The following HTT variants were observed in gnomAD, a reference collection of about 807,000 sequenced individuals.
The protein encoded by HTT is huntington disease protein.
HTT carries 104 observed loss-of-function variants against 362.3 expected under a neutral mutation model. The ratio of observed to expected loss-of-function variants is 0.29; its 90% CI spans 0.24 to 0.34. The LOEUF is 0.34. Ranked by LOEUF, HTT falls within the 10% of genes least tolerant of loss-of-function variation. The pLI is 1.00. For missense variants in HTT, 3,301 were observed against 3,928.6 expected (o/e 0.84, Z 4.27); for synonymous variants, 1,577 against 1,548.7 (o/e 1.02, Z -0.43).
At chr4:3,230,205 A>C (rs1352818734) in intron 60 of HTT, among the ~76,000 whole-genome samples, 163 bp downstream of exon 60, 1 of 152,022 alleles carries the variant, frequency 6.6e-6, no homozygotes, top group Non-Finnish European at 1.5e-5. Context: ...TCTCAGATGG[A>C]GGGGGTTCAG....
intron 26 of HTT, among the ~76,000 whole-genome samples, chr4:3,149,454 C>T (rs538554050): frequency 6.6e-6 from 1 of 152,118 alleles, no homozygotes; most frequent in South Asian, 2.1e-4. Context: ...TACAGGCATG[C>T]ACCACCACAC....
chr4:3,186,730 C>G lies in HTT; in HGVS notation c.4989+11C>G, dbSNP rs148659037. The stretch of plus-strand genomic sequence containing the variant: ...ACTCCAAACACAATGGTGAGTCTCT[C>G]GCCTGGCTCAGCAGATGAATCTGGA... On this transcript the variant is annotated intron_variant, in intron 38 of 66. Transcript: ENST00000355072. 1 of 1,611,536 alleles carries G rather than the reference C, an allele frequency of 6.2e-7. No homozygotes were observed. Among genetic ancestry groups the G allele is most frequent in the African/African-American group, 1.3e-5 (1 of 74,750 alleles).
intron 34 of HTT, among the ~76,000 whole-genome samples, 188 bp downstream of exon 34, chr4:3,177,575 A>C (rs1353905413): frequency 1.3e-5 from 2 of 152,142 alleles, no homozygotes; most frequent in Non-Finnish European, 2.9e-5. Flanking sequence ...ACTTGTTTGG[A>C]AGTAGTTATG....
At chr4:3,158,214 C>T (rs1045649578) in intron 28 of HTT, among the ~76,000 whole-genome samples, 7 of 152,170 alleles carry the variant, frequency 4.6e-5, no homozygotes, top group Non-Finnish European at 7.4e-5. Flanking sequence ...AAGCTCCTGG[C>T]TTAAGTAATC....
Position 3,240,146 on chromosome 4 carries a change from A to G in HTT, c.*87A>G. On this transcript the variant is annotated 3_prime_UTR_variant, in exon 67 of 67. Transcript: ENST00000355072. ...CCTTGTGCCCTGCCTCCACCGAGCC[A>G]GCTTGGTCCCTATGGGCTTCCGCAC... 1 of 1,186,094 alleles carries G rather than the reference A, an allele frequency of 8.4e-7. No homozygotes were observed. The highest frequency in any genetic ancestry group is 1.2e-6 in the Non-Finnish European group (1 of 831,162). 73.5% of individuals were successfully genotyped at this position (1,186,094 alleles called of 1,614,324 possible). A position where few individuals can be genotyped will look rare whatever the true frequency, so the allele number is the denominator to read the frequency against.
chr4:3,231,081 C>T (rs55937165), intron 60 of HTT, among the ~76,000 whole-genome samples: 1,598 of 152,332 alleles, frequency 0.01, 32 homozygotes, highest in African/African-American at 0.037. Context: ...CGACATCTGG[C>T]GAAGCATATT....
At chr4:3,201,485 G>A (rs1719526542) in intron 41 of HTT, among the ~76,000 whole-genome samples, 4 of 142,222 alleles carry the variant, frequency 2.8e-5, no homozygotes, top group South Asian at 2.2e-4. Context: ...AGCTGAGATC[G>A]CGCCACTGCA....
chr4:3,229,153 C>T (rs1721075287), intron 59 of HTT, 144 bp downstream of exon 59: 1 of 725,962 alleles, frequency 1.4e-6, no homozygotes, highest in Non-Finnish European at 2.3e-6. Flanking sequence ...AGGCCACACG[C>T]ACCATAGACA....
At chr4:3,078,061 C>T (rs141458005) in intron 1 of HTT, among the ~76,000 whole-genome samples, 21 of 152,314 alleles carry the variant, frequency 1.4e-4, no homozygotes, top group Non-Finnish European at 2.6e-4. Context: ...TGTTTGTGCT[C>T]TGCTCAGCAT....
In HTT at chr4:3,217,768, C is replaced by G. The variant is rs1157242446; in HGVS notation, c.7058C>G (p.Pro2353Arg). The change falls in exon 52 of 67, where the codon CCT (proline) becomes CGT (arginine). Residue 2353 changes from proline (P) to arginine (R), a missense_variant. Coordinates refer to ENST00000355072, the MANE Select transcript of HTT (RefSeq NM_001388492.1). ...EEEVDPNTQNPKYITAACEMV... is the reference protein window; with the variant it reads ...EEEVDPNTQNRKYITAACEMV... The stretch of plus-strand genomic sequence containing the variant: ...CTCTTAACCGTTGCTTGTTTAGATC[C>G]TAAGTATATCACTGCAGCCTGTGAG... 4.3e-6 allele frequency: 7 copies of G among 1,611,672 alleles called. No homozygotes were observed. Among genetic ancestry groups the G allele is most frequent in the African/African-American group, 1.3e-5 (1 of 74,828 alleles).
rs541574989 is a variant in HTT, at chr4:3,099,419, T to G, written c.468+25T>G. The G allele has an allele frequency of 3.2e-5, 52 of 1,612,862 alleles. No individual in the cohort carries two copies. In the South Asian group the frequency reaches 5.7e-4, roughly 18 times the overall value. On this transcript the variant is annotated intron_variant, in intron 3 of 66. Coordinates refer to ENST00000355072, the MANE Select transcript of HTT (RefSeq NM_001388492.1). ...AGTAAGAACCGTGTGGATGATGTTCTCCTCAGAGCTATCATTGTTGTAGGC... is the reference window on the plus strand; with the variant it reads ...AGTAAGAACCGTGTGGATGATGTTCGCCTCAGAGCTATCATTGTTGTAGGC...
rs554337026 is a variant in HTT, at chr4:3,236,373, C to A, written c.8891+119C>A. ...TGTTGCTGGAGTCCTGCCAGTGATTCCCCACCACAGCCTGACCATGGGCTG... is the reference window on the plus strand; with the variant it reads ...TGTTGCTGGAGTCCTGCCAGTGATTACCCACCACAGCCTGACCATGGGCTG... On this transcript the variant is annotated intron_variant, in intron 64 of 66. Coordinates refer to ENST00000355072, the MANE Select transcript of HTT (RefSeq NM_001388492.1). The A allele has an allele frequency of 1.1e-4, 81 of 754,910 alleles. No individual in the cohort carries two copies. In the South Asian group the frequency reaches 1.2e-3, roughly 11 times the overall value. The allele number at this position is 754,910 out of a possible 1,614,324, so 46.8% of individuals were successfully genotyped here.
intron 25 of HTT, 51 bp downstream of exon 25, chr4:3,146,999 C>A: frequency 1.3e-6 from 2 of 1,578,972 alleles, no homozygotes; most frequent in Non-Finnish European, 1.7e-6. Context: ...TTTTGATTTC[C>A]TTAGGGGGAA....
At chr4:3,154,150 A>T (rs1300569005) in intron 26 of HTT, 143 bp from the exon 27 acceptor site, 1 of 635,336 alleles carries the variant, frequency 1.6e-6, no homozygotes, top group Non-Finnish European at 2.7e-6. Flanking sequence ...AACTGTACAT[A>T]TCAGGGTCCA....
chr4:3,173,311 C>T lies in HTT; in HGVS notation c.4166+180C>T, dbSNP rs995860630. ...AAGATGATTTAAGGCATAGCCCGGC[C>T]TTCCAAGAAGTGTGTGGCCAGTGAG... On this transcript the variant is annotated intron_variant, in intron 31 of 66. Transcript: ENST00000355072. 41 of 607,894 alleles carry T rather than the reference C, an allele frequency of 6.7e-5. No homozygotes were observed. In the African/African-American group the frequency reaches 7.4e-4, roughly 11 times the overall value. The allele number at this position is 607,894 out of a possible 1,614,324, so 37.7% of individuals were successfully genotyped here. A position where few individuals can be genotyped will look rare whatever the true frequency, so the allele number is the denominator to read the frequency against.
chr4:3,174,835 G>T, intron 32 of HTT, 36 bp downstream of exon 32: 1 of 1,598,432 alleles, frequency 6.3e-7, no homozygotes, highest in Non-Finnish European at 8.6e-7. Context: ...GAACTCAGGC[G>T]TGTCAGTGCT....
intron 64 of HTT, among the ~76,000 whole-genome samples, chr4:3,237,995 C>T (rs190523677): frequency 1.2e-4 from 18 of 152,202 alleles, no homozygotes; most frequent in Non-Finnish European, 2.4e-4. Context: ...ATAATGGGAA[C>T]GGGTTCTTTT....
chr4:3,226,257 A>G (rs1008289107), intron 57 of HTT, among the ~76,000 whole-genome samples: 2 of 152,106 alleles, frequency 1.3e-5, no homozygotes, highest in African/African-American at 4.8e-5. Flanking sequence ...CAGCTCGGCC[A>G]CTTCCTAGCA....
At chr4:3,088,049 C>T (rs908449503) in intron 2 of HTT, among the ~76,000 whole-genome samples, 4 of 152,148 alleles carry the variant, frequency 2.6e-5, no homozygotes, top group Admixed American at 2.0e-4. Flanking sequence ...GTTGGTCAGG[C>T]TGATCTCGAA....
Sources: gnomAD v4.1 joint callset for allele counts (sites outside exome capture counted in the v4.1 genomes callset) on GRCh38, gnomAD v4.1.1 for gene constraint, MANE v1.5 for transcripts, NCBI Gene and HGNC (gene_info 2026-07-23, HGNC 2026-07-21) for gene names.